Variants in ZNF214 observed in about 807,000 individuals in gnomAD.
ZNF214 encodes zinc finger protein 214.
ZNF214 carries 43 observed loss-of-function variants against 53.9 expected under a neutral mutation model. That is an observed-to-expected ratio of 0.80 (90% CI 0.63 to 1.03). ZNF214 has a LOEUF of 1.03. Ranked by LOEUF, ZNF214 falls within the 50% of genes least tolerant of loss-of-function variation. ZNF214 has a pLI of 0.00. For synonymous variants in ZNF214, 217 were observed against 229.5 expected, an observed-to-expected ratio of 0.95 and a Z score of 0.49; for missense variants, 724 against 719.1, an observed-to-expected ratio of 1.01 and a Z score of -0.08.
In ZNF214 at chr11:7,000,480, A is replaced by G. The variant is rs1466877756; in HGVS notation, c.1203T>C (p.Leu401=). 6 of 1,613,112 alleles carry G rather than the reference A, an allele frequency of 3.7e-6. No individual in the cohort carries two copies. The highest frequency in any genetic ancestry group is 1.7e-5 in the Admixed American group (1 of 59,874). Reference sequence around the variant, plus strand: ...CTGTGTGTACTAACTGATGAATTCGAAGATTTGAGCTCTGGCTGAAACCCT... The same window carrying G: ...CTGTGTGTACTAACTGATGAATTCGGAGATTTGAGCTCTGGCTGAAACCCT... The part of the protein sequence containing the change: ...CGKGFSQSSN[L]RIHQLVHTGE... The change falls in exon 3 of 3, where the codon CTT becomes CTC. Residue 401 remains leucine, a synonymous_variant. Coordinates refer to ENST00000278314, the MANE Select transcript of ZNF214 (RefSeq NM_013249.4).
chr11:7,017,912 G>C (rs1032061249), intron 1 of ZNF214, among the ~76,000 whole-genome samples: 46 of 152,164 alleles, frequency 3.0e-4, no homozygotes, highest in African/African-American at 1.1e-3. Flanking sequence ...TTTACTGAGT[G>C]CTTAGTATAC....
chr11:7,001,935 T>A (rs1851364396), intron 2 of ZNF214, among the ~76,000 whole-genome samples: 1 of 152,050 alleles, frequency 6.6e-6, no homozygotes, highest in Admixed American at 6.6e-5. Context: ...AATATATTGT[T>A]CCTATTTTTC....
intron 1 of ZNF214, among the ~76,000 whole-genome samples, chr11:7,012,218 T>C (rs1288227487): frequency 6.6e-6 from 1 of 152,138 alleles, no homozygotes; most frequent in African/African-American, 2.4e-5. Context: ...GACTAACCAA[T>C]GTGCTTCTTT....
intron 1 of ZNF214, among the ~76,000 whole-genome samples, chr11:7,011,342 A>G (rs960139146): frequency 6.6e-6 from 1 of 152,058 alleles, no homozygotes; most frequent in Non-Finnish European, 1.5e-5. Context: ...ACAGTTTATT[A>G]TAGGAATGCA....
Position 6,999,140 on chromosome 11 carries a change from A to G in ZNF214, c.*722T>C, listed in dbSNP as rs1172882544. 6.6e-6 allele frequency among the ~76,000 whole-genome samples: 1 copy of G among 151,848 alleles called. No individual in the cohort carries two copies. Among genetic ancestry groups the G allele is most frequent in the African/African-American group, 2.4e-5 (1 of 41,392 alleles). On this transcript the variant is annotated 3_prime_UTR_variant, in exon 3 of 3. Transcript: ENST00000278314. Reference sequence around the variant, plus strand: ...CTTCACACCTTAGAGAAAATTCTGTACTTCTTGTTGTTTGGTATCTGAACC... The same window carrying G: ...CTTCACACCTTAGAGAAAATTCTGTGCTTCTTGTTGTTTGGTATCTGAACC...
Position 7,001,574 on chromosome 11 carries a change from A to G in ZNF214, c.128-19T>C. On this transcript the variant is annotated intron_variant, in intron 2 of 2. Coordinates refer to ENST00000278314, the MANE Select transcript of ZNF214 (RefSeq NM_013249.4). ...CAGTTTTCTAGAAAAATAAAAAGAT[A>G]ATCCCATGGTGAGATAAAAGCTGTG... is the stretch of plus-strand genomic sequence containing the variant. 6.4e-7 allele frequency: 1 copy of G among 1,571,694 alleles called. No homozygotes were observed. The highest frequency in any genetic ancestry group is 1.2e-5 in the South Asian group (1 of 84,748).
intron 1 of ZNF214, among the ~76,000 whole-genome samples, chr11:7,018,439 G>A (rs1050649919): frequency 4.7e-5 from 7 of 147,658 alleles, no homozygotes; most frequent in Non-Finnish European, 4.5e-5. Flanking sequence ...GTTTAATGTC[G>A]ATAACTTCAG....
chr11:7,004,637 G>T (rs2133389741), intron 1 of ZNF214, among the ~76,000 whole-genome samples: 1 of 152,184 alleles, frequency 6.6e-6, no homozygotes, highest in Non-Finnish European at 1.5e-5. Context: ...CTCTCTCTGG[G>T]ATCACTAGCT....
At position 7,002,734 on chromosome 11, in the gene ZNF214, C is replaced by G. The variant is rs948776474; in HGVS notation, c.102G>C (p.Glu34Asp). 5 of 1,606,284 alleles carry G rather than the reference C, an allele frequency of 3.1e-6. No individual in the cohort carries two copies. Among genetic ancestry groups the G allele is most frequent in the Middle Eastern group, 3.3e-4 (2 of 6,044 alleles). The stretch of plus-strand genomic sequence containing the variant: ...CTACTGACATGACATTTGTGTAGTT[C>G]TCCCACATGACCTCCCTGTAGAGTC... ...QKRLYREVMWENYTNVMSVEN... is the reference protein window; with the variant it reads ...QKRLYREVMWDNYTNVMSVEN... Residue 34 changes from glutamate to aspartate, a missense_variant, in exon 2 of 3, where the codon GAG becomes GAC. Glu to Asp is a conservative substitution (Grantham distance 45, BLOSUM62 2). Transcript: ENST00000278314.
intron 1 of ZNF214, among the ~76,000 whole-genome samples, chr11:7,014,372 TAA>T (rs1287622628): frequency 1.3e-5 from 2 of 152,154 alleles, no homozygotes; most frequent in African/African-American, 4.8e-5. Flanking sequence ...ACAAAACAGA[TAA>T]GTTGTTCATA....
intron 1 of ZNF214, among the ~76,000 whole-genome samples, chr11:7,012,952 C>A (rs914007105): frequency 2.0e-5 from 3 of 151,588 alleles, no homozygotes; most frequent in African/African-American, 7.3e-5. Flanking sequence ...TTGGATCTCA[C>A]AAGATAAGTT....
Position 7,010,119 on chromosome 11 carries a change from G to C in ZNF214, c.-20-7264C>G, listed in dbSNP as rs114459958. 8.4e-3 allele frequency among the ~76,000 whole-genome samples: 1,274 copies of C among 152,110 alleles called. 30 individuals are homozygous for C. Among genetic ancestry groups the C allele is most frequent in the African/African-American group, 0.028 (1,183 of 41,516 alleles). ...TCTACCATAAAGACAATAAGCATGT[G>C]TATGTTCATTTCAGCACTATTCACA... On this transcript the variant is annotated intron_variant, in intron 1 of 2. Transcript: ENST00000278314.
intron 1 of ZNF214, among the ~76,000 whole-genome samples, chr11:7,012,208 G>C (rs933396102): frequency 1.3e-5 from 2 of 152,142 alleles, no homozygotes; most frequent in Admixed American, 6.5e-5. Flanking sequence ...AGGGCTCAGA[G>C]ACTAACCAAT....
At chr11:7,017,979 C>G (rs370102751) in intron 1 of ZNF214, among the ~76,000 whole-genome samples, 5 of 152,256 alleles carry the variant, frequency 3.3e-5, no homozygotes, top group African/African-American at 1.2e-4. Context: ...GACTATTTGT[C>G]ATGAGTCAAA....
In ZNF214 at chr11:7,001,129, A is replaced by G; in HGVS notation, c.554T>C (p.Ile185Thr). 6.2e-7 allele frequency: 1 copy of G among 1,613,188 alleles called. No individual in the cohort carries two copies. The highest frequency in any genetic ancestry group is 8.5e-7 in the Non-Finnish European group (1 of 1,179,524). Residue 185 changes from isoleucine to threonine, a missense_variant, in exon 3 of 3, where the codon ATA becomes ACA. Physicochemically the swap from Ile to Thr is moderately conservative, Grantham distance 89 (BLOSUM62 -1). Transcript: ENST00000278314. ...CACTGGGATATAAGAATGCTGAACT[A>G]TGAGCTTCTGTTCTTTTTCCATGGA... ...NLSMEKEQKL[I>T]VQHSYIPVEE...
At chr11:7,013,193 C>T (rs940561806) in intron 1 of ZNF214, among the ~76,000 whole-genome samples, 2 of 152,184 alleles carry the variant, frequency 1.3e-5, no homozygotes, top group African/African-American at 2.4e-5. Flanking sequence ...GAGGTCACAT[C>T]CTATCACTTC....
chr11:7,011,453 T>C (rs1243620328), intron 1 of ZNF214, among the ~76,000 whole-genome samples: 1 of 151,980 alleles, frequency 6.6e-6, no homozygotes, highest in Admixed American at 6.6e-5. Context: ...AAAAATCAAG[T>C]GCTATAAAGT....
chr11:7,007,995 T>TA (rs1239431282), intron 1 of ZNF214, among the ~76,000 whole-genome samples: 3 of 151,850 alleles, frequency 2.0e-5, no homozygotes, highest in African/African-American at 7.3e-5. Context: ...CCAAGTAACA[T>TA]ACTATATTAT....
chr11:7,000,627 G>T lies in ZNF214; in HGVS notation c.1056C>A (p.His352Gln). ...NSLLHIHQRL[H>Q]IGEKPFKCNQ... ...TACATTTAAAAGGCTTCTCTCCTATGTGAAGTCTCTGGTGAATGTGAAGTA... is the reference window on the plus strand; with the variant it reads ...TACATTTAAAAGGCTTCTCTCCTATTTGAAGTCTCTGGTGAATGTGAAGTA... Residue 352 changes from histidine (H) to glutamine (Q), a missense_variant, in exon 3 of 3, where the codon CAC (histidine) becomes CAA (glutamine). By Grantham distance (24) the His-to-Gln change is conservative (BLOSUM62 0). Transcript: ENST00000278314. The T allele has an allele frequency of 6.2e-7, 1 of 1,603,644 alleles. No individual in the cohort carries two copies. The highest frequency in any genetic ancestry group is 8.5e-7 in the Non-Finnish European group (1 of 1,176,538).
Sources: gnomAD v4.1 joint callset for allele counts (sites outside exome capture counted in the v4.1 genomes callset) on GRCh38, gnomAD v4.1.1 for gene constraint, MANE v1.5 for transcripts, NCBI Gene and HGNC (gene_info 2026-07-23, HGNC 2026-07-21) for gene names.